Variants in NFIB observed in about 807,000 individuals in gnomAD.
NFIB encodes nuclear factor 1 B-type.
NFIB carries 11 observed loss-of-function variants against 61.5 expected under a neutral mutation model. The ratio of observed to expected loss-of-function variants is 0.18; its 90% CI spans 0.11 to 0.30. NFIB has a LOEUF of 0.30. Among genes scored for constraint, NFIB ranks in the 10% least tolerant of loss-of-function variants. NFIB has a pLI of 1.00. For missense variants in NFIB, 471 were observed against 608.9 expected (o/e 0.77, Z 2.38); for synonymous variants, 260 against 216.5 (o/e 1.20, Z -1.76).
chr9:14,505,033 A>G, the NFIB span, among the ~76,000 whole-genome samples: 1 of 152,178 alleles, frequency 6.6e-6, no homozygotes, highest in Non-Finnish European at 1.5e-5. Flanking sequence ...GAGGGTTTTA[A>G]TCATAAAGGG....
At chr9:14,300,506 A>G (rs2059692161) in intron 2 of NFIB, among the ~76,000 whole-genome samples, 1 of 152,356 alleles carries the variant, frequency 6.6e-6, no homozygotes, top group South Asian at 2.1e-4. Flanking sequence ...TTTACCCAGA[A>G]GCTAGTTTCA....
chr9:14,198,996 C>T (rs1032605413), intron 2 of NFIB, among the ~76,000 whole-genome samples: 3 of 152,172 alleles, frequency 2.0e-5, no homozygotes, highest in South Asian at 2.1e-4. Context: ...TATCACACTT[C>T]ACAGAGCTTT....
chr9:14,494,801 T>C, the NFIB span, among the ~76,000 whole-genome samples: 39 of 152,282 alleles, frequency 2.6e-4, no homozygotes, highest in African/African-American at 9.1e-4. Context: ...CTGAAGTCCT[T>C]CAGACTGGCC....
At chr9:14,137,379 T>C (rs1378065047) in intron 6 of NFIB, among the ~76,000 whole-genome samples, 1 of 152,206 alleles carries the variant, frequency 6.6e-6, no homozygotes, top group Admixed American at 6.5e-5. Flanking sequence ...TGTTATTCAA[T>C]GAGAGTGTTT....
chr9:14,107,871 T>C (rs565438580), intron 10 of NFIB, among the ~76,000 whole-genome samples: 29 of 151,888 alleles, frequency 1.9e-4, no homozygotes, highest in Admixed American at 3.9e-4. Context: ...AAGAAGATAA[T>C]TTTTTCCTTG....
the NFIB span, among the ~76,000 whole-genome samples, chr9:14,520,854 T>A: frequency 6.6e-6 from 1 of 152,226 alleles, no homozygotes; most frequent in African/African-American, 2.4e-5. Flanking sequence ...TATGTATAAA[T>A]GATGGAAGGC....
intron 2 of NFIB, among the ~76,000 whole-genome samples, chr9:14,253,243 C>G (rs368342205): frequency 1.3e-5 from 2 of 152,248 alleles, no homozygotes; most frequent in East Asian, 3.9e-4. Context: ...GCATCATATC[C>G]TACTGCTAAC....
intron 6 of NFIB, among the ~76,000 whole-genome samples, chr9:14,135,144 T>G (rs1164972924): frequency 5.3e-5 from 8 of 152,178 alleles, no homozygotes; most frequent in Admixed American, 4.6e-4. Context: ...TTTATTTTCT[T>G]CTTCATATTT....
chr9:14,337,884 G>C (rs1479321429), intron 1 of NFIB, among the ~76,000 whole-genome samples: 2 of 152,144 alleles, frequency 1.3e-5, no homozygotes, highest in Non-Finnish European at 2.9e-5. Flanking sequence ...CCATTGTCTT[G>C]AAACCTTTCT....
intron 1 of NFIB, among the ~76,000 whole-genome samples, chr9:14,335,179 TGTTGG>T (rs1391384078): frequency 6.6e-6 from 1 of 152,216 alleles, no homozygotes; most frequent in African/African-American, 2.4e-5. Flanking sequence ...CTTTCAATTC[TGTTGG>T]GTAGATATCT....
chr9:14,428,815 T>C, the NFIB span, among the ~76,000 whole-genome samples: 2 of 152,046 alleles, frequency 1.3e-5, no homozygotes, highest in Non-Finnish European at 2.9e-5. Flanking sequence ...ACACTGAAAA[T>C]AGGACCTCCC....
chr9:14,344,512 T>C (rs117829151), intron 1 of NFIB, among the ~76,000 whole-genome samples: 3,379 of 152,300 alleles, frequency 0.022, 57 homozygotes, highest in Middle Eastern at 0.048. Context: ...ACTGGGCTGA[T>C]GGAAGAGCTT....
At chr9:14,234,151 A>C (rs2053498598) in intron 2 of NFIB, among the ~76,000 whole-genome samples, 1 of 152,164 alleles carries the variant, frequency 6.6e-6, no homozygotes, top group Admixed American at 6.5e-5. Flanking sequence ...AATTATCCTA[A>C]GGTAAAATGT....
At chr9:14,131,669 G>C (rs946318749) in intron 6 of NFIB, among the ~76,000 whole-genome samples, 11 of 152,182 alleles carry the variant, frequency 7.2e-5, no homozygotes, top group African/African-American at 2.4e-4. Flanking sequence ...GTTTACGTCA[G>C]CCCTTAATTA....
chr9:14,434,519 A>G, the NFIB span, among the ~76,000 whole-genome samples: 1 of 152,202 alleles, frequency 6.6e-6, no homozygotes, highest in Non-Finnish European at 1.5e-5. Flanking sequence ...TGCTTTTCCT[A>G]CTAGGGGAAG....
chr9:14,418,475 A>G, the NFIB span, among the ~76,000 whole-genome samples: 2 of 152,302 alleles, frequency 1.3e-5, no homozygotes, highest in South Asian at 2.1e-4. Flanking sequence ...TAAAACCACA[A>G]CAATATATCT....
the NFIB span, among the ~76,000 whole-genome samples, chr9:14,429,019 GCTT>G: frequency 6.6e-6 from 1 of 152,152 alleles, no homozygotes; most frequent in Admixed American, 6.5e-5. Context: ...CTGGCTCTTT[GCTT>G]ATTATCAGAG....
intron 1 of NFIB, among the ~76,000 whole-genome samples, chr9:14,398,006 G>C (rs912364207): frequency 1.7e-4 from 26 of 152,032 alleles, no homozygotes; most frequent in African/African-American, 6.3e-4. Flanking sequence ...TATGCTCCAG[G>C]CTCCATGTAA....
At chr9:14,105,878 T>G (rs1384476765) in intron 10 of NFIB, among the ~76,000 whole-genome samples, 2 of 152,086 alleles carry the variant, frequency 1.3e-5, no homozygotes, top group African/African-American at 2.4e-5. Context: ...TTTAAATAAG[T>G]TTAACATAAT....
Sources: gnomAD v4.1 joint callset for allele counts (sites outside exome capture counted in the v4.1 genomes callset) on GRCh38, gnomAD v4.1.1 for gene constraint, MANE v1.5 for transcripts, NCBI Gene and HGNC (gene_info 2026-07-23, HGNC 2026-07-21) for gene names.